Variants in LARS2 observed in about 807,000 individuals in gnomAD.
LARS2 encodes the protein leucyl-tRNA synthetase 2, mitochondrial.
A neutral mutation model predicts 116.6 loss-of-function variants in LARS2; 81 were observed. The ratio of observed to expected loss-of-function variants is 0.69; its 90% CI spans 0.58 to 0.84. LARS2 has a LOEUF of 0.84. LARS2 is among the 40% of genes least tolerant of loss of function. LARS2 has a pLI of 0.00. For missense variants in LARS2, 968 were observed against 1,114.5 expected, an observed-to-expected ratio of 0.87 and a Z score of 1.87; for synonymous variants, 396 against 407.2, an observed-to-expected ratio of 0.97 and a Z score of 0.33.
intron 6 of LARS2, among the ~76,000 whole-genome samples, chr3:45,420,810 T>TA (rs1451259661): frequency 3.9e-5 from 6 of 152,198 alleles, no homozygotes; most frequent in Non-Finnish European, 7.3e-5. Context: ...ATAACTAGCC[T>TA]AGTCCTGCAC....
chr3:45,398,943 A>T (rs1698096789), intron 3 of LARS2, among the ~76,000 whole-genome samples: 1 of 152,178 alleles, frequency 6.6e-6, no homozygotes, highest in South Asian at 2.1e-4. Context: ...TCATGTGCAC[A>T]CTCATGACGA....
intron 13 of LARS2, among the ~76,000 whole-genome samples, chr3:45,493,664 A>T (rs1296447182): frequency 1.3e-5 from 2 of 152,184 alleles, no homozygotes; most frequent in Non-Finnish European, 2.9e-5. Context: ...TACTTGGCTC[A>T]GTTCCTACTA....
chr3:45,416,475 A>G lies in LARS2; in HGVS notation c.364-1007A>G, dbSNP rs771325625. ...CGTGAGAAAGGGACAGGTCCGGGCC[A>G]CTGAGTAGGGTTGGGATGAACTTTC... is the stretch of plus-strand genomic sequence containing the variant. On this transcript the variant is annotated intron_variant, in intron 4 of 21. Transcript: ENST00000645846. Among the ~76,000 whole-genome samples the G allele has an allele frequency of 2.2e-4, 33 of 152,268 alleles. 1 individual carries two copies. In the Middle Eastern group the frequency reaches 0.01, roughly 47 times the overall value.
intron 20 of LARS2, among the ~76,000 whole-genome samples, chr3:45,524,723 T>C (rs1424213661): frequency 6.6e-6 from 1 of 152,212 alleles, no homozygotes; most frequent in Non-Finnish European, 1.5e-5. Flanking sequence ...CTTCAGATGT[T>C]TCTAGAAATA....
chr3:45,458,084 G>A (rs1229213610), intron 7 of LARS2, among the ~76,000 whole-genome samples: 1 of 152,062 alleles, frequency 6.6e-6, no homozygotes, highest in Non-Finnish European at 1.5e-5. Context: ...GTACACTGAA[G>A]ATTTATTTCC....
chr3:45,396,649 C>T (rs854192), intron 3 of LARS2, among the ~76,000 whole-genome samples: 37,062 of 152,102 alleles, frequency 0.24, 5,337 homozygotes, highest in African/African-American at 0.4. Context: ...AAATAATTTG[C>T]ATTTAATGAG....
intron 6 of LARS2, among the ~76,000 whole-genome samples, chr3:45,429,698 CTTTT>C (rs35874596): frequency 9.2e-6 from 1 of 108,140 alleles, no homozygotes; most frequent in Non-Finnish European, 1.8e-5. Flanking sequence ...CATCCTTCTG[CTTTT>C]TTTTTTTTTT....
At chr3:45,396,451 T>C (rs1005216689) in intron 3 of LARS2, among the ~76,000 whole-genome samples, 1 of 152,220 alleles carries the variant, frequency 6.6e-6, no homozygotes, top group African/African-American at 2.4e-5. Context: ...ACTGAAGTGG[T>C]ACATAAATAA....
At chr3:45,522,374 AACCTC>A (rs1399253263) in intron 19 of LARS2, among the ~76,000 whole-genome samples, 1 of 152,248 alleles carries the variant, frequency 6.6e-6, no homozygotes, top group Non-Finnish European at 1.5e-5. Context: ...CACCACCATT[AACCTC>A]ATGTCTTGAA....
At position 45,439,210 on chromosome 3, in the gene LARS2, CTTTTTTTTT is replaced by C. The variant is rs575140221; in HGVS notation, c.517-7660_517-7652del. 3.4e-3 allele frequency among the ~76,000 whole-genome samples: 212 copies of C among 62,450 alleles called. 1 individual carries two copies. In the South Asian group the frequency reaches 0.052, roughly 15 times the overall value. 41.0% of individuals were successfully genotyped at this position (62,450 alleles called of 152,430 possible). A position where few individuals can be genotyped will look rare whatever the true frequency, so the allele number is the denominator to read the frequency against. The stretch of plus-strand genomic sequence containing the variant: ...AGAAATGAGCTGTCAGAAACTCTGG[CTTTTTTTTT>C]TTTTTTTTTTTTTTTTTTTTGAGAC... On this transcript the variant is annotated intron_variant, in intron 6 of 21. Transcript: ENST00000645846.
chr3:45,415,399 T>G (rs1195941335), intron 4 of LARS2, among the ~76,000 whole-genome samples: 1 of 152,214 alleles, frequency 6.6e-6, no homozygotes, highest in Non-Finnish European at 1.5e-5. Flanking sequence ...CTCAGCACTT[T>G]TCTTAACTCA....
intron 18 of LARS2, 32 bp downstream of exon 18, chr3:45,518,104 CTG>C (rs780468083): frequency 1.9e-6 from 3 of 1,569,530 alleles, no homozygotes; most frequent in South Asian, 1.1e-5. Context: ...GGGGTTAACT[CTG>C]TAACCAAGCA....
intron 4 of LARS2, among the ~76,000 whole-genome samples, chr3:45,416,215 G>T (rs1016428542): frequency 6.6e-6 from 1 of 150,942 alleles, no homozygotes; most frequent in Non-Finnish European, 1.5e-5. Context: ...TTGAACCCAG[G>T]AGACACTCCA....
rs368476811 is a variant in LARS2 at position 45,488,832 on chromosome 3, C to A, written c.1239+20C>A. The A allele has an allele frequency of 1.1e-4, 162 of 1,416,528 alleles. 1 individual carries two copies. The highest frequency in any genetic ancestry group is 1.4e-4 in the Non-Finnish European group (144 of 999,292). 87.7% of individuals were successfully genotyped at this position (1,416,528 alleles called of 1,614,324 possible). On this transcript the variant is annotated intron_variant, in intron 12 of 21. Coordinates refer to ENST00000645846, the MANE Select transcript of LARS2 (RefSeq NM_015340.4). ...GCTGAGGTTGGTGACTAAGAACTTACTTCCAGAATGATCACCTTGATACGA... is the reference window on the plus strand; with the variant it reads ...GCTGAGGTTGGTGACTAAGAACTTAATTCCAGAATGATCACCTTGATACGA...
At chr3:45,426,899 A>G (rs961925713) in intron 6 of LARS2, among the ~76,000 whole-genome samples, 5 of 152,200 alleles carry the variant, frequency 3.3e-5, no homozygotes, top group African/African-American at 1.2e-4. Context: ...GGCTAATAGA[A>G]TAGAATTTCC....
At chr3:45,423,473 C>G (rs568684420) in intron 6 of LARS2, among the ~76,000 whole-genome samples, 1 of 152,052 alleles carries the variant, frequency 6.6e-6, no homozygotes, top group Admixed American at 6.6e-5. Flanking sequence ...CCACTACACC[C>G]GGCTTCTTTT....
At chr3:45,497,660 G>A (rs902845671) in intron 14 of LARS2, among the ~76,000 whole-genome samples, 6 of 152,108 alleles carry the variant, frequency 3.9e-5, no homozygotes, top group South Asian at 4.2e-4. Flanking sequence ...TAATTCCAGC[G>A]CTTTGGGAGG....
At chr3:45,530,237 A>G (rs1230162806) in intron 20 of LARS2, among the ~76,000 whole-genome samples, 2 of 152,222 alleles carry the variant, frequency 1.3e-5, no homozygotes, top group Non-Finnish European at 2.9e-5. Flanking sequence ...AAATAACCAC[A>G]TTAGGCTGGG....
At chr3:45,417,879 CATTTGTTAA>C (rs1698456537) in intron 5 of LARS2, among the ~76,000 whole-genome samples, 1 of 152,102 alleles carries the variant, frequency 6.6e-6, no homozygotes, top group South Asian at 2.1e-4. Flanking sequence ...AAGAGGGTCG[CATTTGTTAA>C]ATTTCTATAA....
Sources: gnomAD v4.1 joint callset for allele counts (sites outside exome capture counted in the v4.1 genomes callset) on GRCh38, gnomAD v4.1.1 for gene constraint, MANE v1.5 for transcripts, NCBI Gene and HGNC (gene_info 2026-07-23, HGNC 2026-07-21) for gene names.